The following GRIK1 variants were observed in gnomAD, a reference collection of about 807,000 sequenced individuals.
GRIK1 encodes glutamate receptor ionotropic, kainate 1.
Under a neutral mutation model 105.7 loss-of-function variants are expected in GRIK1, and 69 were observed. That is an observed-to-expected ratio of 0.65 (90% CI 0.54 to 0.80). The LOEUF (loss-of-function observed/expected upper bound fraction) is 0.80. GRIK1 is among the 30% of genes least tolerant of loss of function. GRIK1 has a pLI of 0.00. For synonymous variants in GRIK1, 438 were observed against 431.3 expected (o/e 1.02, Z -0.19); for missense variants, 1,109 against 1,167.3 (o/e 0.95, Z 0.73).
At chr21:29,850,127 T>C (rs1467212182) in intron 1 of GRIK1, among the ~76,000 whole-genome samples, 1 of 152,216 alleles carries the variant, frequency 6.6e-6, no homozygotes, top group Non-Finnish European at 1.5e-5. Flanking sequence ...GATCATGATA[T>C]CTTCCTTACT....
chr21:29,870,627 A>G (rs2068974917), intron 1 of GRIK1, among the ~76,000 whole-genome samples: 1 of 152,086 alleles, frequency 6.6e-6, no homozygotes, highest in African/African-American at 2.4e-5. Flanking sequence ...CTGTTTCACA[A>G]CTCAGACCTA....
intron 5 of GRIK1, 61 bp from the exon 6 acceptor site, chr21:29,651,352 A>G (rs2062732855): frequency 2.7e-6 from 3 of 1,105,372 alleles, no homozygotes; most frequent in Non-Finnish European, 2.6e-6. Context: ...TTTTATACAA[A>G]AGAATATTAA....
intron 14 of GRIK1, among the ~76,000 whole-genome samples, chr21:29,574,913 C>G (rs1367729401): frequency 1.3e-5 from 2 of 151,798 alleles, no homozygotes; most frequent in Admixed American, 6.6e-5. Context: ...CCAGGATGGT[C>G]TCGATCTCCT....
chr21:29,907,855 T>C (rs2070698395), intron 1 of GRIK1, among the ~76,000 whole-genome samples: 1 of 152,148 alleles, frequency 6.6e-6, no homozygotes, highest in Admixed American at 6.5e-5. Flanking sequence ...TTAGAAACTA[T>C]GTCAGTCCAT....
rs183535967 is a variant in GRIK1, at chr21:29,646,080, C to A, written c.955-3111G>T. Among the ~76,000 whole-genome samples, 46 of 152,256 alleles carry A rather than the reference C, an allele frequency of 3.0e-4. 2 individuals are homozygous for A. Among genetic ancestry groups the A allele is most frequent in the African/African-American group, 1.1e-3 (45 of 41,554 alleles). On this transcript the variant is annotated intron_variant, in intron 6 of 17. Coordinates refer to ENST00000327783, the MANE Select transcript of GRIK1 (RefSeq NM_001330994.2). ...ATCCCAATAAGAGTGTCATTGTATT[C>A]TTTGGGTCCTGGGCAATGTCAGATA... is the stretch of plus-strand genomic sequence containing the variant.
chr21:29,697,405 G>A (rs906828939), intron 1 of GRIK1, among the ~76,000 whole-genome samples: 1 of 152,170 alleles, frequency 6.6e-6, no homozygotes, highest in Non-Finnish European at 1.5e-5. Flanking sequence ...CTGGGTTTAA[G>A]GGAATTACAA....
At chr21:29,615,795 G>T (rs2061836945) in intron 7 of GRIK1, among the ~76,000 whole-genome samples, 1 of 152,066 alleles carries the variant, frequency 6.6e-6, no homozygotes, top group Non-Finnish European at 1.5e-5. Flanking sequence ...AACGTCAAAG[G>T]CTTTTGCGGT....
chr21:29,832,785 T>C (rs944101227), intron 1 of GRIK1, among the ~76,000 whole-genome samples: 2 of 152,212 alleles, frequency 1.3e-5, no homozygotes, highest in Non-Finnish European at 2.9e-5. Flanking sequence ...GTCTTGGCCA[T>C]TAACTTTGAC....
At chr21:29,606,782 G>C (rs1042553192) in intron 7 of GRIK1, among the ~76,000 whole-genome samples, 20 of 133,832 alleles carry the variant, frequency 1.5e-4, no homozygotes, top group African/African-American at 4.3e-4. Flanking sequence ...CTGACTCTCT[G>C]TCTCTGTTGT....
intron 1 of GRIK1, among the ~76,000 whole-genome samples, chr21:29,846,463 GAGAAAGAA>G (rs56303585): frequency 0.16 from 19,947 of 127,514 alleles, 1,689 homozygotes; most frequent in Non-Finnish European, 0.2. Flanking sequence ...GAAAGAGAGA[GAGAAAGAA>G]AGAAAGAAAG....
chr21:29,838,114 C>T (rs1448499722), intron 1 of GRIK1, among the ~76,000 whole-genome samples: 1 of 152,008 alleles, frequency 6.6e-6, no homozygotes, highest in Non-Finnish European at 1.5e-5. Flanking sequence ...AGCAGGTTTG[C>T]AAAAGACCCA....
chr21:29,742,746 T>C (rs1443593566), intron 1 of GRIK1, among the ~76,000 whole-genome samples: 2 of 152,254 alleles, frequency 1.3e-5, no homozygotes, highest in Non-Finnish European at 2.9e-5. Context: ...TATGGTTTCA[T>C]GTTTTGCACA....
At chr21:29,833,727 A>T (rs1321330071) in intron 1 of GRIK1, among the ~76,000 whole-genome samples, 1 of 152,148 alleles carries the variant, frequency 6.6e-6, no homozygotes, top group African/African-American at 2.4e-5. Context: ...TTGAGCAGGA[A>T]CACAAATCCA....
chr21:29,876,404 C>G (rs971504091), intron 1 of GRIK1, among the ~76,000 whole-genome samples: 1 of 152,076 alleles, frequency 6.6e-6, no homozygotes, highest in African/African-American at 2.4e-5. Context: ...ATATTTGTGT[C>G]TCATTGTCCC....
chr21:29,560,511 C>CTTTCTTTCTTT (rs1568815314), intron 15 of GRIK1, among the ~76,000 whole-genome samples: 439 of 40,158 alleles, frequency 0.011, 66 homozygotes, highest in African/African-American at 0.014. Context: ...TTCCTTCCTT[C>CTTTCTTTCTTT]CTTCCTTCCT....
At chr21:29,562,608 T>C (rs1316849878) in intron 14 of GRIK1, among the ~76,000 whole-genome samples, 1 of 151,998 alleles carries the variant, frequency 6.6e-6, no homozygotes, top group African/African-American at 2.4e-5. Context: ...TGAGCCAAGA[T>C]CGTGCCATTG....
chr21:29,643,429 G>A (rs781335886), intron 6 of GRIK1, among the ~76,000 whole-genome samples: 1 of 152,216 alleles, frequency 6.6e-6, no homozygotes, highest in Non-Finnish European at 1.5e-5. Flanking sequence ...TCACTAACAG[G>A]TGATTTCCAG....
At chr21:29,591,982 T>A (rs2061340064) in intron 9 of GRIK1, among the ~76,000 whole-genome samples, 1 of 152,022 alleles carries the variant, frequency 6.6e-6, no homozygotes, top group Non-Finnish European at 1.5e-5. Flanking sequence ...GTTCAGGAAG[T>A]CAAGATTGCA....
chr21:29,807,724 A>G (rs1019627434), intron 1 of GRIK1, among the ~76,000 whole-genome samples: 1 of 152,150 alleles, frequency 6.6e-6, no homozygotes, highest in Non-Finnish European at 1.5e-5. Context: ...TTATTACCTC[A>G]GCTCTTCAGA....
Sources: allele counts gnomAD v4.1 joint callset (sites outside exome capture counted in the v4.1 genomes callset), GRCh38; gene constraint gnomAD v4.1.1; transcripts MANE v1.5; gene names NCBI Gene and HGNC (gene_info 2026-07-23, HGNC 2026-07-21).